ATXN1: variants seen among roughly 807,000 people sequenced by gnomAD.
The protein encoded by ATXN1 is ataxin-1.
In ATXN1, 8 loss-of-function variants were observed where a neutral mutation model predicts 56.4. The ratio of observed to expected loss-of-function variants is 0.14; its 90% confidence interval spans 0.08 to 0.26. The LOEUF (loss-of-function observed/expected upper bound fraction) is 0.26, where lower values mean the gene tolerates loss of function less well. ATXN1 is among the 10% of genes least tolerant of loss of function. ATXN1 has a pLI of 1.00. For missense variants in ATXN1, 987 were observed against 1,106.5 expected, an observed-to-expected ratio of 0.89 and a Z score of 1.53; for synonymous variants, 514 against 494.6, an observed-to-expected ratio of 1.04 and a Z score of -0.52.
At chr6:16,589,083 A>G (rs1561768743) in intron 3 of ATXN1, among the ~76,000 whole-genome samples, 2 of 151,766 alleles carry the variant, frequency 1.3e-5, no homozygotes, top group Non-Finnish European at 2.9e-5. Flanking sequence ...CCCCCCACAC[A>G]TCATCTTTTC....
At chr6:16,759,934 G>A (rs999560255) in intron 1 of ATXN1, among the ~76,000 whole-genome samples, 3 of 152,150 alleles carry the variant, frequency 2.0e-5, no homozygotes, top group African/African-American at 7.2e-5. Flanking sequence ...AAGTAGCCAA[G>A]GAAGGGCCCC....
intron 3 of ATXN1, among the ~76,000 whole-genome samples, chr6:16,636,860 G>T (rs889255877): frequency 6.6e-6 from 1 of 152,178 alleles, no homozygotes; most frequent in Non-Finnish European, 1.5e-5. Context: ...GAAAAAGGAA[G>T]AAAGTGGAGA....
intron 3 of ATXN1, among the ~76,000 whole-genome samples, chr6:16,643,818 T>A (rs2113823493): frequency 6.6e-6 from 1 of 152,212 alleles, no homozygotes; most frequent in East Asian, 1.9e-4. Context: ...TCTCTTCAGT[T>A]ATTAAGAAGA....
At chr6:16,700,413 G>A (rs951431889) in intron 2 of ATXN1, among the ~76,000 whole-genome samples, 3 of 152,040 alleles carry the variant, frequency 2.0e-5, no homozygotes, top group Non-Finnish European at 4.4e-5. Flanking sequence ...CCCACCAGCC[G>A]ACCCCTTACG....
intron 6 of ATXN1, among the ~76,000 whole-genome samples, chr6:16,361,361 C>T (rs1040119337): frequency 2.6e-5 from 4 of 152,298 alleles, no homozygotes; most frequent in East Asian, 3.9e-4. Context: ...TCATTATTTT[C>T]GTTCACGCAC....
Position 16,328,720 on chromosome 6 carries a change from C to T in ATXN1, c.-160-250G>A, listed in dbSNP as rs1265271226. Among the ~76,000 whole-genome samples the T allele has an allele frequency of 1.3e-5, 2 of 152,026 alleles. No homozygotes were observed. Among genetic ancestry groups the T allele is most frequent in the African/African-American group, 2.4e-5 (1 of 41,382 alleles). On this transcript the variant is annotated intron_variant, in intron 6 of 7. Transcript: ENST00000436367. This position sits in a 1 kb window ranked among gnomAD's most constrained non-coding sequence, Gnocchi z 6.2. Reference sequence around the variant, plus strand: ...GGTCAGGAGATTAAGACCATCCTGGCTAACATGGTGAAACCCCGTCTCTAC... The same window carrying T: ...GGTCAGGAGATTAAGACCATCCTGGTTAACATGGTGAAACCCCGTCTCTAC...
chr6:16,611,246 T>C (rs1022154892), intron 3 of ATXN1, among the ~76,000 whole-genome samples: 2 of 152,206 alleles, frequency 1.3e-5, no homozygotes, highest in African/African-American at 2.4e-5. Context: ...TCTTATCTTA[T>C]ACAGGGAGGA....
intron 2 of ATXN1, among the ~76,000 whole-genome samples, chr6:16,729,820 G>C (rs1222212261): frequency 6.6e-6 from 1 of 152,212 alleles, no homozygotes; most frequent in Non-Finnish European, 1.5e-5. Context: ...CTGACACAGA[G>C]AAAATGGCCC....
chr6:16,379,624 T>G (rs1291484066), intron 6 of ATXN1, among the ~76,000 whole-genome samples: 1 of 152,174 alleles, frequency 6.6e-6, no homozygotes, highest in African/African-American at 2.4e-5. Context: ...CAGGAAGTGC[T>G]AACCAGGTAC....
At chr6:16,460,437 T>C (rs1327818810) in intron 6 of ATXN1, among the ~76,000 whole-genome samples, 2 of 152,072 alleles carry the variant, frequency 1.3e-5, no homozygotes, top group African/African-American at 4.8e-5. Context: ...TCAGAGGCTA[T>C]CAAAATAATA....
At chr6:16,403,497 C>A (rs1332094318) in intron 6 of ATXN1, among the ~76,000 whole-genome samples, 1 of 152,146 alleles carries the variant, frequency 6.6e-6, no homozygotes, top group Non-Finnish European at 1.5e-5. Flanking sequence ...ACTACAGATG[C>A]ATGCCAATAC....
At chr6:16,730,164 A>G (rs900161078) in intron 2 of ATXN1, among the ~76,000 whole-genome samples, 1 of 152,148 alleles carries the variant, frequency 6.6e-6, no homozygotes, top group Non-Finnish European at 1.5e-5. Flanking sequence ...ACGCCTGTAC[A>G]GCTACTCAGG....
At position 16,684,320 on chromosome 6, in the gene ATXN1, T is replaced by A. The variant is rs189635891; in HGVS notation, c.-614-26419A>T. Among the ~76,000 whole-genome samples, 309 of 152,330 alleles carry A rather than the reference T, an allele frequency of 2.0e-3. 3 individuals carry two copies. The highest frequency in any genetic ancestry group is 6.9e-3 in the African/African-American group (287 of 41,568). ...ACCAAGGATGATGTTTTCTAGGGAC[T>A]TATTGAAACTTGAGAGTCGGAAGTG... On this transcript the variant is annotated intron_variant, in intron 2 of 7. Coordinates refer to ENST00000436367, the MANE Select transcript of ATXN1 (RefSeq NM_001128164.2).
At chr6:16,732,801 A>G (rs1760020762) in intron 2 of ATXN1, among the ~76,000 whole-genome samples, 1 of 152,166 alleles carries the variant, frequency 6.6e-6, no homozygotes, top group Non-Finnish European at 1.5e-5. Context: ...GTTTGACTAG[A>G]TGTGCTTCTT....
rs554389229 is a variant in ATXN1, at chr6:16,580,701, C to G, written c.-361+5079G>C. Among the ~76,000 whole-genome samples, 5 of 152,158 alleles carry G rather than the reference C, an allele frequency of 3.3e-5. No individual in the cohort carries two copies. The South Asian group carries it at 6.2e-4, about 19-fold the overall frequency. ...AAGAATAAAATGCTTCATAAAGAAGCCTGGTAAGTTATTTTAAAACTTTAA... is the reference window on the plus strand; with the variant it reads ...AAGAATAAAATGCTTCATAAAGAAGGCTGGTAAGTTATTTTAAAACTTTAA... On this transcript the variant is annotated intron_variant, in intron 4 of 7. Transcript: ENST00000436367.
intron 5 of ATXN1, among the ~76,000 whole-genome samples, chr6:16,492,688 T>C (rs1760693490): frequency 6.6e-6 from 1 of 152,086 alleles, no homozygotes; most frequent in African/African-American, 2.4e-5. Context: ...CCCTCTGCAG[T>C]TTTTTGCTCT....
intron 3 of ATXN1, among the ~76,000 whole-genome samples, chr6:16,610,575 G>A (rs565978069): frequency 5.7e-4 from 86 of 152,160 alleles, no homozygotes; most frequent in Non-Finnish European, 1.1e-3. Flanking sequence ...ACTAAGGTAT[G>A]AGAGTTAAAA....
At position 16,327,663 on chromosome 6, in the gene ATXN1, C is replaced by CTGCTGCTGA. The variant is rs1760856996; in HGVS notation, c.647_648insTCAGCAGCA (p.Gln215_Gln216insHisGlnGln). 1.3e-6 allele frequency: 2 copies of CTGCTGCTGA among 1,523,294 alleles called. No homozygotes were observed. The highest frequency in any genetic ancestry group is 5.2e-5 in the East Asian group (2 of 38,150). 94.4% of individuals were successfully genotyped at this position (1,523,294 alleles called of 1,614,324 possible). On this transcript the variant is annotated inframe_insertion, in exon 7 of 8. Coordinates refer to ENST00000436367, the MANE Select transcript of ATXN1 (RefSeq NM_001128164.2). Reference sequence around the variant, plus strand: ...GCTGCTGCTGCTGCTGCTGCTGCTGCTGCTGCTGCTGCTGATGCTGATGCT... The same window carrying CTGCTGCTGA: ...GCTGCTGCTGCTGCTGCTGCTGCTGCTGCTGCTGATGCTGCTGCTGCTGATGCTGATGCT...
Position 16,301,204 on chromosome 6 carries a change from C to G in ATXN1, c.*5125G>C, listed in dbSNP as rs1367613800. On this transcript the variant is annotated 3_prime_UTR_variant, in exon 8 of 8. Coordinates refer to ENST00000436367, the MANE Select transcript of ATXN1 (RefSeq NM_001128164.2). ...TTTTGTGCAATTTTTTAAAACATTA[C>G]CTGTACTCCTCAAAGTGAGTGCTTC... 1 of 152,216 alleles carries G rather than the reference C, an allele frequency of 6.6e-6. No homozygotes were observed. Among genetic ancestry groups the G allele is most frequent in the Non-Finnish European group, 1.5e-5 (1 of 67,984 alleles). 9.4% of individuals were successfully genotyped at this position (152,216 alleles called of 1,614,324 possible). A position where few individuals can be genotyped will look rare whatever the true frequency, so the allele number is the denominator to read the frequency against.
Sources: gnomAD v4.1 joint callset for allele counts (sites outside exome capture counted in the v4.1 genomes callset) on GRCh38, gnomAD v4.1.1 for gene constraint, Gnocchi (gnomAD v3.1) non-coding constraint, MANE v1.5 for transcripts, NCBI Gene and HGNC (gene_info 2026-07-23, HGNC 2026-07-21) for gene names.